PM20D2: variants seen among roughly 807,000 people sequenced by gnomAD.
PM20D2 encodes xaa-Arg dipeptidase.
PM20D2 carries 33 observed loss-of-function variants against 42.9 expected under a neutral mutation model. The ratio of observed to expected loss-of-function variants is 0.77; its 90% CI spans 0.58 to 1.03. PM20D2 has a LOEUF of 1.03. PM20D2 is among the 50% of genes least tolerant of loss of function. The pLI is 0.00. For synonymous variants in PM20D2, 250 were observed against 228.2 expected (o/e 1.10, Z -0.86); for missense variants, 548 against 557.0 (o/e 0.98, Z 0.16).
At chr6:89,103,721 A>G in the PM20D2 span, among the ~76,000 whole-genome samples, 4 of 152,198 alleles carry the variant, frequency 2.6e-5, no homozygotes, top group African/African-American at 9.6e-5. Flanking sequence ...TGGCCTCCCA[A>G]AGTGCTGGGA....
rs111356914 is a variant in PM20D2, at chr6:89,154,493, C to A, written c.758-255C>A. Among the ~76,000 whole-genome samples the A allele has an allele frequency of 7.6e-3, 1,152 of 152,066 alleles. 17 individuals are homozygous for A. The highest frequency in any genetic ancestry group is 0.026 in the African/African-American group (1,088 of 41,486). ...TTCATTATAGTCTGGATCATAATTT[C>A]TTAACATTATGTAAATTCTTCTGAA... is the stretch of plus-strand genomic sequence containing the variant. On this transcript the variant is annotated intron_variant, in intron 3 of 6. Coordinates refer to ENST00000275072, the MANE Select transcript of PM20D2 (RefSeq NM_001010853.3).
chr6:89,142,061 A>G (rs150388544), upstream of PM20D2, among the ~76,000 whole-genome samples: 1,147 of 150,992 alleles, frequency 7.6e-3, 15 homozygotes, highest in African/African-American at 0.026. Context: ...GGCTCAAGCT[A>G]TCCTCCCACC....
chr6:89,156,582 C>T lies in PM20D2; in HGVS notation c.912+1680C>T, dbSNP rs545688477. 2.3e-4 allele frequency among the ~76,000 whole-genome samples: 35 copies of T among 152,292 alleles called. 1 individual carries two copies. In the South Asian group the frequency reaches 6.8e-3, roughly 30 times the overall value. ...CACAGTAGCAGTAATTCTCAGAAAGCATATGTTACGTGTCCTGAGAGTAGT... is the reference window on the plus strand; with the variant it reads ...CACAGTAGCAGTAATTCTCAGAAAGTATATGTTACGTGTCCTGAGAGTAGT... On this transcript the variant is annotated intron_variant, in intron 4 of 6. Transcript: ENST00000275072.
chr6:89,111,328 T>A, the PM20D2 span, among the ~76,000 whole-genome samples: 2 of 152,236 alleles, frequency 1.3e-5, no homozygotes, highest in Non-Finnish European at 2.9e-5. Flanking sequence ...AAAATTCCTC[T>A]TGAAAATATG....
the PM20D2 span, among the ~76,000 whole-genome samples, chr6:89,101,776 C>T: frequency 6.6e-6 from 1 of 152,066 alleles, no homozygotes; most frequent in Non-Finnish European, 1.5e-5. Flanking sequence ...GGAGCAACCA[C>T]AAGACTGACA....
chr6:89,097,158 C>T, the PM20D2 span: 1 of 152,072 alleles, frequency 6.6e-6, no homozygotes, highest in Non-Finnish European at 1.5e-5. Context: ...GCAACACTGG[C>T]TCCTATATAC....
the PM20D2 span, among the ~76,000 whole-genome samples, chr6:89,119,055 A>T: frequency 2.6e-5 from 4 of 152,152 alleles, no homozygotes; most frequent in African/African-American, 9.7e-5. Flanking sequence ...GGCTTTGAAG[A>T]ATACATGTCG....
At position 89,152,273 on chromosome 6, in the gene PM20D2, A is replaced by C. The variant is rs542349834; in HGVS notation, c.615-770A>C. ...AAGCATTCTAAGGACTCCTGAATCT[A>C]ACCCATTAAAATAAGTCCAGATTGG... On this transcript the variant is annotated intron_variant, in intron 2 of 6. Coordinates refer to ENST00000275072, the MANE Select transcript of PM20D2 (RefSeq NM_001010853.3). Among the ~76,000 whole-genome samples the C allele has an allele frequency of 9.6e-4, 146 of 152,312 alleles. 1 individual carries two copies. The highest frequency in any genetic ancestry group is 3.5e-3 in the African/African-American group (145 of 41,574).
chr6:89,101,787 A>G, the PM20D2 span, among the ~76,000 whole-genome samples: 4 of 152,140 alleles, frequency 2.6e-5, no homozygotes, highest in Non-Finnish European at 4.4e-5. Context: ...AAGACTGACA[A>G]CTCACTATGG....
chr6:89,104,383 C>T, the PM20D2 span, among the ~76,000 whole-genome samples: 29 of 151,920 alleles, frequency 1.9e-4, no homozygotes, highest in African/African-American at 6.8e-4. Context: ...ATTACAGGTG[C>T]GTGGCTACCA....
the PM20D2 span, among the ~76,000 whole-genome samples, chr6:89,127,827 G>A: frequency 5.9e-5 from 9 of 152,174 alleles, no homozygotes; most frequent in Non-Finnish European, 1.0e-4. Flanking sequence ...TGGAGGGACC[G>A]GCTGGAGCCG....
chr6:89,146,641 C>A, intron 1 of PM20D2, 32 bp downstream of exon 1: 1 of 1,374,796 alleles, frequency 7.3e-7, no homozygotes, highest in Non-Finnish European at 9.3e-7. Context: ...GGACCCTATC[C>A]GACTGCCCGG....
In PM20D2 at chr6:89,146,459, G is replaced by C; in HGVS notation, c.315G>C (p.Pro105=). ...EARAPSATPR[P]LHLGFLCEYD... is the part of the protein sequence containing the mutation. ...GGGCACCGAGCGCCACGCCACGCCC[G>C]CTGCACCTGGGCTTCCTCTGCGAGT... Residue 105 remains proline (P), a synonymous_variant, in exon 1 of 7, where the codon CCG becomes CCC. Coordinates refer to ENST00000275072, the MANE Select transcript of PM20D2 (RefSeq NM_001010853.3). The C allele has an allele frequency of 2.0e-6, 3 of 1,523,138 alleles. No homozygotes were observed. The highest frequency in any genetic ancestry group is 2.6e-6 in the Non-Finnish European group (3 of 1,142,666). 94.4% of individuals were successfully genotyped at this position (1,523,138 alleles called of 1,614,324 possible).
At chr6:89,125,676 G>A in the PM20D2 span, among the ~76,000 whole-genome samples, 3 of 151,734 alleles carry the variant, frequency 2.0e-5, no homozygotes, top group Admixed American at 1.3e-4. Flanking sequence ...CCAGCTACTC[G>A]GGAGGCTGAG....
the PM20D2 span, among the ~76,000 whole-genome samples, chr6:89,121,800 TTTTA>T: frequency 6.6e-6 from 1 of 152,196 alleles, no homozygotes; most frequent in Admixed American, 6.5e-5. Context: ...TTCCATTACT[TTTTA>T]TTTAATACAT....
At chr6:89,125,872 G>A in the PM20D2 span, among the ~76,000 whole-genome samples, 1 of 152,032 alleles carries the variant, frequency 6.6e-6, no homozygotes, top group Non-Finnish European at 1.5e-5. Context: ...GATCACTTGA[G>A]GTCAGGAGTC....
chr6:89,095,611 C>T, the PM20D2 span, among the ~76,000 whole-genome samples: 1 of 152,226 alleles, frequency 6.6e-6, no homozygotes, highest in Non-Finnish European at 1.5e-5. Flanking sequence ...AACAGCATGT[C>T]TTAGAACAGT....
At chr6:89,161,305 T>A (rs182477035) in intron 5 of PM20D2, among the ~76,000 whole-genome samples, 26 of 152,232 alleles carry the variant, frequency 1.7e-4, no homozygotes, top group Admixed American at 5.9e-4. Context: ...TGGTGGTGAT[T>A]TGAAGCAATA....
the PM20D2 span, among the ~76,000 whole-genome samples, chr6:89,129,515 A>G: frequency 1.3e-5 from 2 of 152,028 alleles, no homozygotes; most frequent in Non-Finnish European, 2.9e-5. Flanking sequence ...TTTTAAATAA[A>G]TTACTCAGTT....
Sources: gnomAD v4.1 joint callset for allele counts (sites outside exome capture counted in the v4.1 genomes callset) on GRCh38, gnomAD v4.1.1 for gene constraint, MANE v1.5 for transcripts, NCBI Gene and HGNC (gene_info 2026-07-23, HGNC 2026-07-21) for gene names.